The following FAR1 variants were observed in gnomAD, a reference collection of about 807,000 sequenced individuals.
FAR1 encodes fatty acyl-CoA reductase 1, also known as male sterility domain-containing protein 2.
A neutral mutation model predicts 61.1 loss-of-function variants in FAR1; 22 were observed. That is an observed-to-expected ratio of 0.36 (90% CI 0.26 to 0.51). FAR1 has a LOEUF of 0.51. Ranked by LOEUF, FAR1 falls within the 20% of genes least tolerant of loss-of-function variation. The probability of loss-of-function intolerance (pLI) is 0.95; values close to 1 mark genes in which losing one functional copy is unlikely to be tolerated. For missense variants in FAR1, 359 were observed against 626.9 expected, an observed-to-expected ratio of 0.57 and a Z score of 4.56; for synonymous variants, 206 against 209.7, an observed-to-expected ratio of 0.98 and a Z score of 0.15.
intron 9 of FAR1, among the ~76,000 whole-genome samples, chr11:13,717,076 C>A (rs549068880): frequency 6.6e-6 from 1 of 151,116 alleles, no homozygotes; most frequent in Admixed American, 6.6e-5. Flanking sequence ...TATAGTCAAC[C>A]TTCTGGCCAA....
chr11:13,730,285 A>G lies in FAR1; in HGVS notation c.*1511A>G, dbSNP rs1848710428. ...AAAGTTTATTTTGCTATTGTGAAAAACTAAATGTAAAGGAAATCACCTACT... is the reference window on the plus strand; with the variant it reads ...AAAGTTTATTTTGCTATTGTGAAAAGCTAAATGTAAAGGAAATCACCTACT... On this transcript the variant is annotated 3_prime_UTR_variant, in exon 12 of 12. Coordinates refer to ENST00000354817, the MANE Select transcript of FAR1 (RefSeq NM_032228.6). The G allele has an allele frequency of 6.6e-6, 1 of 152,508 alleles. No homozygotes were observed. The highest frequency in any genetic ancestry group is 6.6e-5 in the Admixed American group (1 of 15,252). 9.4% of individuals were successfully genotyped at this position (152,508 alleles called of 1,614,324 possible).
intron 9 of FAR1, chr11:13,715,695 G>A (rs1848547942): frequency 6.6e-6 from 1 of 151,314 alleles, no homozygotes; most frequent in Non-Finnish European, 1.5e-5. Context: ...TCTTTTTTTT[G>A]TTGAAATCCC....
At chr11:13,699,971 C>T (rs1848352170) in intron 2 of FAR1, among the ~76,000 whole-genome samples, 1 of 152,008 alleles carries the variant, frequency 6.6e-6, no homozygotes, top group Admixed American at 6.6e-5. Flanking sequence ...TAAACATTGT[C>T]CTAATGTCTA....
chr11:13,718,989 A>G (rs1848581848), intron 9 of FAR1, among the ~76,000 whole-genome samples: 2 of 152,158 alleles, frequency 1.3e-5, no homozygotes, highest in Non-Finnish European at 2.9e-5. Flanking sequence ...GAAGGCTTCA[A>G]GGGTGAGTAT....
intron 3 of FAR1, among the ~76,000 whole-genome samples, chr11:13,705,050 C>T (rs2134187292): frequency 6.6e-6 from 1 of 152,164 alleles, no homozygotes; most frequent in South Asian, 2.1e-4. Context: ...TGTATTGGCA[C>T]TTCAGGTCGT....
intron 1 of FAR1, among the ~76,000 whole-genome samples, chr11:13,675,600 C>T (rs772346356): frequency 5.3e-5 from 8 of 152,094 alleles, no homozygotes; most frequent in East Asian, 1.9e-4. Flanking sequence ...TATCACTGTT[C>T]GTGGTTAATT....
chr11:13,717,615 G>C (rs540890053), intron 9 of FAR1, among the ~76,000 whole-genome samples: 1 of 152,072 alleles, frequency 6.6e-6, no homozygotes, highest in African/African-American at 2.4e-5. Flanking sequence ...ATCCTGCTTC[G>C]TGCCCATGAA....
chr11:13,716,111 T>A (rs1362516662), intron 9 of FAR1, among the ~76,000 whole-genome samples: 4 of 152,204 alleles, frequency 2.6e-5, no homozygotes, highest in Non-Finnish European at 5.9e-5. Context: ...TCTTCATGGC[T>A]AAAATGCAGA....
At chr11:13,701,807 ATAT>A (rs1005584095) in intron 3 of FAR1, among the ~76,000 whole-genome samples, 24 of 152,146 alleles carry the variant, frequency 1.6e-4, no homozygotes, top group African/African-American at 4.6e-4. Context: ...ACCTACTGTA[ATAT>A]TATAGGGAAA....
chr11:13,678,304 G>T (rs745710654), intron 1 of FAR1, among the ~76,000 whole-genome samples: 1 of 152,058 alleles, frequency 6.6e-6, no homozygotes, highest in Non-Finnish European at 1.5e-5. Context: ...TCGCTGTGTC[G>T]CCCAGGAGGG....
At chr11:13,719,965 C>T (rs1446934907) in intron 9 of FAR1, 1 of 152,180 alleles carries the variant, frequency 6.6e-6, no homozygotes, top group Non-Finnish European at 1.5e-5. Context: ...TCATAAACAT[C>T]TGTTCTAAGG....
intron 9 of FAR1, among the ~76,000 whole-genome samples, chr11:13,716,471 A>G (rs1401395186): frequency 6.6e-6 from 1 of 152,210 alleles, no homozygotes; most frequent in Non-Finnish European, 1.5e-5. Context: ...TTGTGATCAG[A>G]TGAAAGAGGC....
intron 1 of FAR1, among the ~76,000 whole-genome samples, chr11:13,679,344 C>T (rs906890840): frequency 5.3e-5 from 8 of 151,990 alleles, no homozygotes; most frequent in East Asian, 1.9e-4. Context: ...GTATGACTTA[C>T]GGGAATTACT....
chr11:13,670,794 T>C (rs1479556934), intron 1 of FAR1, among the ~76,000 whole-genome samples: 1 of 152,026 alleles, frequency 6.6e-6, no homozygotes. Context: ...GGAATTTTTA[T>C]TTATGGGGTG....
chr11:13,703,364 T>C (rs1848397341), intron 3 of FAR1, among the ~76,000 whole-genome samples: 1 of 152,050 alleles, frequency 6.6e-6, no homozygotes, highest in African/African-American at 2.4e-5. Flanking sequence ...TTGTGTTTTT[T>C]GTAGAGACAG....
chr11:13,709,969 A>G (rs73424788), intron 4 of FAR1, among the ~76,000 whole-genome samples: 1 of 152,218 alleles, frequency 6.6e-6, no homozygotes, highest in African/African-American at 2.4e-5. Flanking sequence ...TTACAGATGA[A>G]CAGAGTAGAC....
chr11:13,705,949 G>A (rs1352579409), intron 3 of FAR1, among the ~76,000 whole-genome samples: 1 of 152,042 alleles, frequency 6.6e-6, no homozygotes, highest in African/African-American at 2.4e-5. Context: ...AGACATCAAA[G>A]CACTGCTTCA....
intron 1 of FAR1, among the ~76,000 whole-genome samples, chr11:13,684,818 A>C (rs1039855572): frequency 6.6e-6 from 1 of 152,210 alleles, no homozygotes; most frequent in African/African-American, 2.4e-5. Context: ...TGACCATTCA[A>C]GTTTAAGGCA....
intron 7 of FAR1, 59 bp downstream of exon 7, chr11:13,712,105 G>C: frequency 8.6e-7 from 1 of 1,163,856 alleles, no homozygotes; most frequent in Non-Finnish European, 1.3e-6. Context: ...GGAAGACATA[G>C]CTTTTGAGTA....
Sources: allele counts gnomAD v4.1 joint callset (sites outside exome capture counted in the v4.1 genomes callset), GRCh38; gene constraint gnomAD v4.1.1; transcripts MANE v1.5; gene names NCBI Gene and HGNC (gene_info 2026-07-23, HGNC 2026-07-21).